Variants in SWT1 observed in about 807,000 individuals in gnomAD.
The protein encoded by SWT1 is transcriptional protein SWT1.
A neutral mutation model predicts 107.3 loss-of-function variants in SWT1; 33 were observed. That is an observed-to-expected ratio of 0.31 (90% CI 0.23 to 0.41). The LOEUF (loss-of-function observed/expected upper bound fraction) is 0.41. SWT1 is among the 10% of genes least tolerant of loss of function. The probability of loss-of-function intolerance (pLI) is 1.00; values close to 1 mark genes in which losing one functional copy is unlikely to be tolerated. For missense variants in SWT1, 898 were observed against 1,028.9 expected (o/e 0.87, Z 1.74); for synonymous variants, 345 against 348.3 (o/e 0.99, Z 0.11).
At chr1:185,188,517 A>C (rs1656682327) in intron 9 of SWT1, among the ~76,000 whole-genome samples, 1 of 152,202 alleles carries the variant, frequency 6.6e-6, no homozygotes, top group Admixed American at 6.5e-5. Context: ...ATTTAATCAC[A>C]TCTTCCTCAC....
chr1:185,243,089 T>C (rs1209186096), intron 16 of SWT1, among the ~76,000 whole-genome samples: 1 of 152,158 alleles, frequency 6.6e-6, no homozygotes, highest in Non-Finnish European at 1.5e-5. Context: ...CCCTATACTC[T>C]AGGATACATT....
chr1:185,214,780 A>G (rs1303938301), intron 14 of SWT1, 125 bp downstream of exon 14: 1 of 751,594 alleles, frequency 1.3e-6, no homozygotes, highest in Non-Finnish European at 2.0e-6. Flanking sequence ...AAAGGCGTTA[A>G]GTAAATGTTA....
In SWT1 at chr1:185,206,668, A is replaced by G; in HGVS notation, c.1877A>G (p.Gln626Arg). The change falls in exon 13 of 19, where the codon CAG becomes CGG. Residue 626 changes from glutamine (Q) to arginine (R), a missense_variant. By Grantham distance (43) the Gln-to-Arg change is conservative. Coordinates refer to ENST00000367500, the MANE Select transcript of SWT1 (RefSeq NM_017673.7). ...CCATGGACTCTACTACATTTACTAC[A>G]GTGCTTTAAAAAACATTGGTTGGCT... is the stretch of plus-strand genomic sequence containing the variant. ...KPPWTLLHLLQCFKKHWLAVF... is the reference protein window; with the variant it reads ...KPPWTLLHLLRCFKKHWLAVF... 1 of 1,609,310 alleles carries G rather than the reference A, an allele frequency of 6.2e-7. No individual in the cohort carries two copies. The highest frequency in any genetic ancestry group is 8.5e-7 in the Non-Finnish European group (1 of 1,177,254).
rs771914276 is a variant in SWT1 at position 185,271,302 on chromosome 1, TG to T, written c.2442-20del. The T allele has an allele frequency of 6.7e-6, 9 of 1,338,434 alleles. No homozygotes were observed. The highest frequency in any genetic ancestry group is 9.7e-6 in the Non-Finnish European group (9 of 931,054). 82.9% of individuals were successfully genotyped at this position (1,338,434 alleles called of 1,614,324 possible). On this transcript the variant is annotated intron_variant, in intron 16 of 18. Transcript: ENST00000367500. ...TCTGAAATCATTTATTCCCCCCCTT[TG>T]TTTTTATTTTATTTTTTAGGATTTT...
intron 16 of SWT1, among the ~76,000 whole-genome samples, chr1:185,240,459 G>A (rs1457720084): frequency 6.6e-6 from 1 of 151,886 alleles, no homozygotes; most frequent in Non-Finnish European, 1.5e-5. Context: ...TGCATTTTGA[G>A]GACATGCTTT....
intron 10 of SWT1, among the ~76,000 whole-genome samples, chr1:185,199,612 T>G (rs1029441916): frequency 6.6e-6 from 1 of 152,210 alleles, no homozygotes; most frequent in African/African-American, 2.4e-5. Flanking sequence ...CTGAGAGATC[T>G]GCTGTTAGTC....
At chr1:185,163,946 T>C (rs999868637) in intron 2 of SWT1, among the ~76,000 whole-genome samples, 1 of 152,232 alleles carries the variant, frequency 6.6e-6, no homozygotes, top group Non-Finnish European at 1.5e-5. Flanking sequence ...TTACTTTGCC[T>C]GGATCCATCA....
chr1:185,196,364 T>A (rs997633078), intron 10 of SWT1, among the ~76,000 whole-genome samples: 1 of 152,206 alleles, frequency 6.6e-6, no homozygotes, highest in Non-Finnish European at 1.5e-5. Context: ...TTGGTACCAG[T>A]ACCATACTGT....
intron 1 of SWT1, among the ~76,000 whole-genome samples, chr1:185,158,978 C>T (rs1163972081): frequency 2.0e-5 from 3 of 152,110 alleles, no homozygotes; most frequent in African/African-American, 4.8e-5. Flanking sequence ...ACTCACATGC[C>T]TGGCTGTTAG....
intron 2 of SWT1, among the ~76,000 whole-genome samples, chr1:185,161,939 A>G (rs1276424667): frequency 1.3e-5 from 2 of 152,184 alleles, no homozygotes; most frequent in East Asian, 3.9e-4. Context: ...TCACAAAAAA[A>G]GTGATTTCTG....
intron 5 of SWT1, among the ~76,000 whole-genome samples, chr1:185,176,286 CAAAAAAAAAA>C (rs71101962): frequency 4.2e-5 from 2 of 47,258 alleles, no homozygotes; most frequent in Admixed American, 3.0e-4. Context: ...ACCTTGTCTC[CAAAAAAAAAA>C]AAAAAAAAAA....
chr1:185,244,555 GGGTGAGTCAGTGGGTGGGT>G (rs1342310661), intron 16 of SWT1, among the ~76,000 whole-genome samples: 4 of 152,080 alleles, frequency 2.6e-5, no homozygotes, highest in Non-Finnish European at 5.9e-5. Flanking sequence ...GAAGTGCTCT[GGGTGAGTCAGTGGGTGGGT>G]GGTGAGTCAG....
chr1:185,252,042 G>A (rs1662075597), intron 16 of SWT1, among the ~76,000 whole-genome samples: 1 of 151,928 alleles, frequency 6.6e-6, no homozygotes, highest in Non-Finnish European at 1.5e-5. Context: ...AGAATATGCG[G>A]TGTTTGGTTT....
intron 18 of SWT1, among the ~76,000 whole-genome samples, chr1:185,288,350 A>C (rs190777676): frequency 1.9e-4 from 29 of 152,318 alleles, no homozygotes; most frequent in Admixed American, 9.8e-4. Context: ...AGTTGCTAGG[A>C]TTACAGATGT....
intron 5 of SWT1, 78 bp downstream of exon 5, chr1:185,175,191 TA>T (rs1173810575): frequency 2.7e-6 from 3 of 1,128,368 alleles, no homozygotes; most frequent in African/African-American, 1.6e-5. Context: ...TGTATTTCTA[TA>T]TTTTTTTCTG....
chr1:185,257,055 G>C (rs916647097), intron 16 of SWT1, among the ~76,000 whole-genome samples: 24 of 152,072 alleles, frequency 1.6e-4, no homozygotes, highest in Non-Finnish European at 3.1e-4. Context: ...AGGTGTCAGT[G>C]TGCCCCTGCT....
chr1:185,180,287 C>A (rs569433600), intron 5 of SWT1, 104 bp from the exon 6 acceptor site: 4 of 880,218 alleles, frequency 4.5e-6, no homozygotes, highest in South Asian at 4.2e-5. Flanking sequence ...ACAGGGCAAC[C>A]CCTAAAGTGA....
chr1:185,283,286 T>C (rs1249200187), intron 18 of SWT1, among the ~76,000 whole-genome samples: 1 of 152,228 alleles, frequency 6.6e-6, no homozygotes, highest in African/African-American at 2.4e-5. Flanking sequence ...GTGTTTTCTC[T>C]TCTCCAGTTT....
intron 16 of SWT1, among the ~76,000 whole-genome samples, chr1:185,268,055 C>G (rs1051272362): frequency 1.3e-5 from 2 of 152,152 alleles, no homozygotes; most frequent in Admixed American, 1.3e-4. Context: ...GTAATGAAGT[C>G]TAAATTCAAC....
Sources: gnomAD v4.1 joint callset for allele counts (sites outside exome capture counted in the v4.1 genomes callset) on GRCh38, gnomAD v4.1.1 for gene constraint, MANE v1.5 for transcripts, NCBI Gene and HGNC (gene_info 2026-07-23, HGNC 2026-07-21) for gene names.